The following CCSER1 variants were observed in gnomAD, a reference collection of about 807,000 sequenced individuals.
CCSER1 encodes the protein coiled-coil serine rich protein 1.
A neutral mutation model predicts 82.0 loss-of-function variants in CCSER1; 41 were observed. That is an observed-to-expected ratio of 0.50 (90% CI 0.39 to 0.65). CCSER1 has a LOEUF of 0.65. CCSER1 is among the 30% of genes least tolerant of loss of function. The pLI, the probability that CCSER1 is intolerant of heterozygous loss-of-function variation, is 0.00. For missense variants in CCSER1, 1,119 were observed against 1,064.2 expected (o/e 1.05, Z -0.72); for synonymous variants, 414 against 383.9 (o/e 1.08, Z -0.92).
chr4:91,327,170 C>T (rs1746627001), intron 10 of CCSER1, among the ~76,000 whole-genome samples: 1 of 152,184 alleles, frequency 6.6e-6, no homozygotes, highest in South Asian at 2.1e-4. Context: ...CCCACATTTC[C>T]CCTCTGCACT....
intron 1 of CCSER1, among the ~76,000 whole-genome samples, chr4:90,264,531 A>C (rs1478567796): frequency 6.6e-6 from 1 of 152,174 alleles, no homozygotes; most frequent in Non-Finnish European, 1.5e-5. Context: ...ACAAGAGAAG[A>C]ACTGACAAGA....
chr4:90,337,395 T>C (rs1203054613), intron 3 of CCSER1, among the ~76,000 whole-genome samples: 1 of 152,166 alleles, frequency 6.6e-6, no homozygotes, highest in East Asian at 1.9e-4. Context: ...AAGAGGGATT[T>C]AGTTGAGAGC....
intron 9 of CCSER1, among the ~76,000 whole-genome samples, chr4:90,966,635 A>G (rs974910802): frequency 3.9e-5 from 6 of 152,160 alleles, no homozygotes; most frequent in East Asian, 1.9e-4. Context: ...TAAATCGCCA[A>G]TTGAATCCGT....
At chr4:91,365,392 G>C (rs1185130914) in intron 10 of CCSER1, among the ~76,000 whole-genome samples, 1 of 152,114 alleles carries the variant, frequency 6.6e-6, no homozygotes, top group Non-Finnish European at 1.5e-5. Flanking sequence ...ATGCCAACTT[G>C]AAATATTACT....
intron 1 of CCSER1, among the ~76,000 whole-genome samples, chr4:90,166,069 G>A (rs550406857): frequency 3.9e-5 from 6 of 151,998 alleles, no homozygotes; most frequent in East Asian, 1.9e-4. Context: ...ATGATGGTGC[G>A]AAAGTGATAC....
chr4:90,989,161 G>C (rs1482226708), intron 9 of CCSER1, among the ~76,000 whole-genome samples: 1 of 151,782 alleles, frequency 6.6e-6, no homozygotes, highest in Non-Finnish European at 1.5e-5. Context: ...TTACAGCCAA[G>C]AGACATTTCC....
intron 9 of CCSER1, among the ~76,000 whole-genome samples, chr4:90,953,936 G>T (rs1018874760): frequency 6.6e-6 from 1 of 151,856 alleles, no homozygotes; most frequent in Non-Finnish European, 1.5e-5. Flanking sequence ...CAATAGAGTT[G>T]TCATAACAAA....
chr4:91,579,366 T>G (rs1424501264), intron 10 of CCSER1, among the ~76,000 whole-genome samples: 4 of 151,584 alleles, frequency 2.6e-5, no homozygotes, highest in Non-Finnish European at 4.4e-5. Flanking sequence ...TGGTCATTTT[T>G]CAATCCCCCC....
intron 9 of CCSER1, among the ~76,000 whole-genome samples, chr4:90,936,157 C>T (rs1307120181): frequency 6.6e-6 from 1 of 151,554 alleles, no homozygotes; most frequent in Non-Finnish European, 1.5e-5. Flanking sequence ...TTTGTGGAAA[C>T]AGAATTTAAT....
chr4:90,687,444 C>T (rs1210109481), intron 6 of CCSER1, among the ~76,000 whole-genome samples: 1 of 151,866 alleles, frequency 6.6e-6, no homozygotes, highest in African/African-American at 2.4e-5. Flanking sequence ...GGATTTCAAC[C>T]ATTTTTTTTT....
chr4:90,424,057 C>T (rs1194931767), intron 4 of CCSER1, among the ~76,000 whole-genome samples: 2 of 150,398 alleles, frequency 1.3e-5, no homozygotes, highest in African/African-American at 4.9e-5. Context: ...CGCCACTGCG[C>T]TCCAGCCTGG....
chr4:91,519,386 C>T (rs757679906), intron 10 of CCSER1, among the ~76,000 whole-genome samples: 38 of 152,198 alleles, frequency 2.5e-4, no homozygotes, highest in Non-Finnish European at 4.9e-4. Context: ...CTGAGAGCCC[C>T]AGTGAGGGTT....
chr4:91,559,854 A>G (rs1578789997), intron 10 of CCSER1, among the ~76,000 whole-genome samples: 2 of 151,488 alleles, frequency 1.3e-5, no homozygotes, highest in East Asian at 3.9e-4. Context: ...CTAAATAAAA[A>G]TGGTCTTATT....
At chr4:90,899,130 A>T (rs1724218491) in intron 8 of CCSER1, among the ~76,000 whole-genome samples, 1 of 151,938 alleles carries the variant, frequency 6.6e-6, no homozygotes, top group African/African-American at 2.4e-5. Flanking sequence ...TCACCAGTGT[A>T]TTGTAGTTCT....
chr4:90,948,465 C>G (rs542374461), intron 9 of CCSER1, among the ~76,000 whole-genome samples: 1 of 151,466 alleles, frequency 6.6e-6, no homozygotes, highest in East Asian at 1.9e-4. Context: ...TATTCTTTTT[C>G]TATATTTACA....
chr4:90,712,829 G>A (rs1252306087), intron 6 of CCSER1, among the ~76,000 whole-genome samples: 1 of 150,778 alleles, frequency 6.6e-6, no homozygotes, highest in East Asian at 1.9e-4. Flanking sequence ...CCTGTATTGA[G>A]TGTATATATA....
chr4:90,436,009 A>G (rs775657164), intron 4 of CCSER1, among the ~76,000 whole-genome samples: 3 of 152,088 alleles, frequency 2.0e-5, no homozygotes, highest in Non-Finnish European at 4.4e-5. Context: ...AATGTTCCCA[A>G]CTTGTTTAAG....
At chr4:91,323,056 G>GA (rs1746301207) in intron 10 of CCSER1, among the ~76,000 whole-genome samples, 1 of 152,156 alleles carries the variant, frequency 6.6e-6, no homozygotes, top group South Asian at 2.1e-4. Flanking sequence ...GATTAAGTAT[G>GA]AATAATTAAT....
chr4:91,442,674 A>T (rs1406514434), intron 10 of CCSER1, among the ~76,000 whole-genome samples: 18 of 135,640 alleles, frequency 1.3e-4, no homozygotes, highest in African/African-American at 4.7e-4. Flanking sequence ...CTACCATCAG[A>T]GTGAACAGGC....
Sources: gnomAD v4.1 joint callset for allele counts (sites outside exome capture counted in the v4.1 genomes callset) on GRCh38, gnomAD v4.1.1 for gene constraint, MANE v1.5 for transcripts, NCBI Gene and HGNC (gene_info 2026-07-23, HGNC 2026-07-21) for gene names.